Variants in MCF2L2 observed in about 807,000 individuals in gnomAD.
The protein encoded by MCF2L2 is probable guanine nucleotide exchange factor MCF2L2.
MCF2L2 carries 102 observed loss-of-function variants against 150.2 expected under a neutral mutation model. The ratio of observed to expected loss-of-function variants is 0.68; its 90% confidence interval spans 0.58 to 0.80. MCF2L2 has a LOEUF of 0.80. Ranked by LOEUF, MCF2L2 falls within the 30% of genes least tolerant of loss-of-function variation. The pLI is 0.00. For synonymous variants in MCF2L2, 465 were observed against 491.3 expected (o/e 0.95, Z 0.71); for missense variants, 1,256 against 1,372.8 (o/e 0.91, Z 1.34).
chr3:183,354,073 C>G (rs765360882), intron 3 of MCF2L2, among the ~76,000 whole-genome samples: 1 of 152,064 alleles, frequency 6.6e-6, no homozygotes, highest in Non-Finnish European at 1.5e-5. Flanking sequence ...GTCAGACTTG[C>G]CTCATTATAC....
chr3:183,249,207 T>C (rs1453378193), intron 15 of MCF2L2, among the ~76,000 whole-genome samples: 2 of 152,248 alleles, frequency 1.3e-5, no homozygotes, highest in African/African-American at 4.8e-5. Context: ...GGCAGCCCTC[T>C]GGGACCTGCA....
intron 1 of MCF2L2, among the ~76,000 whole-genome samples, chr3:183,390,322 C>T (rs1714071758): frequency 6.6e-6 from 1 of 152,100 alleles, no homozygotes; most frequent in Admixed American, 6.5e-5. Flanking sequence ...CCTCTTCCTA[C>T]TGCTAAATGT....
chr3:183,251,280 G>C (rs1034105299), intron 15 of MCF2L2, among the ~76,000 whole-genome samples: 1 of 152,188 alleles, frequency 6.6e-6, no homozygotes, highest in Non-Finnish European at 1.5e-5. Context: ...GCTGTGTTAA[G>C]CCACTCGGTT....
chr3:183,343,571 T>C (rs1010631466), intron 3 of MCF2L2, among the ~76,000 whole-genome samples: 2 of 152,192 alleles, frequency 1.3e-5, no homozygotes. Context: ...GGTTTCACCA[T>C]GTTGGTTAGG....
intron 1 of MCF2L2, among the ~76,000 whole-genome samples, chr3:183,417,115 CAAAAAAAAAAAAAA>C (rs74989072): frequency 4.3e-4 from 19 of 44,240 alleles, no homozygotes; most frequent in African/African-American, 1.4e-3. Flanking sequence ...GACTCTGTCT[CAAAAAAAAAAAAAA>C]AAAAAAAAAA....
At chr3:183,258,187 T>G (rs9784276) in intron 15 of MCF2L2, 1 of 152,254 alleles carries the variant, frequency 6.6e-6, no homozygotes, top group African/African-American at 2.4e-5. Context: ...AGGATGGTCT[T>G]GATCTCCCGA....
At chr3:183,220,461 C>T (rs764810554) in intron 20 of MCF2L2, among the ~76,000 whole-genome samples, 4 of 152,058 alleles carry the variant, frequency 2.6e-5, no homozygotes, top group Non-Finnish European at 4.4e-5. Context: ...AAACCATAAT[C>T]GAATTATAGT....
chr3:183,417,142 AAAAT>A (rs1391704148), intron 1 of MCF2L2, among the ~76,000 whole-genome samples: 35 of 145,872 alleles, frequency 2.4e-4, no homozygotes, highest in African/African-American at 8.4e-4. Flanking sequence ...AAAAAAAAAA[AAAAT>A]GGTAATTTAG....
At chr3:183,386,676 T>C (rs996400128) in intron 2 of MCF2L2, among the ~76,000 whole-genome samples, 4 of 152,188 alleles carry the variant, frequency 2.6e-5, no homozygotes, top group Admixed American at 6.5e-5. Context: ...AGGAAGCTGC[T>C]ATGAGTTGAG....
chr3:183,392,949 A>G (rs1206110985), intron 1 of MCF2L2, among the ~76,000 whole-genome samples: 2 of 152,214 alleles, frequency 1.3e-5, no homozygotes, highest in Non-Finnish European at 1.5e-5. Flanking sequence ...AGATTCAGAC[A>G]GGCTTGCATG....
intron 9 of MCF2L2, chr3:183,310,571 G>A: frequency 3.3e-6 from 1 of 301,894 alleles, no homozygotes; most frequent in South Asian, 2.7e-5. Context: ...GCTGAGGTGG[G>A]AGGATAGCTT....
intron 3 of MCF2L2, among the ~76,000 whole-genome samples, chr3:183,364,768 C>CA (rs940162612): frequency 6.6e-6 from 1 of 151,922 alleles, no homozygotes; most frequent in African/African-American, 2.4e-5. Flanking sequence ...CATCCCTATG[C>CA]AAAAAAATTT....
In MCF2L2 at chr3:183,182,101, CTCAACTGTTTCAGGGTCATCTGAAACAG is replaced by C. The variant is rs1310559942; in HGVS notation, c.3017-1970_3017-1943del. 7.2e-5 allele frequency among the ~76,000 whole-genome samples: 11 copies of C among 152,286 alleles called. No homozygotes were observed. The East Asian group carries it at 7.7e-4, about 11-fold the overall frequency. On this transcript the variant is annotated intron_variant, in intron 27 of 29. Transcript: ENST00000328913. ...CACAGAGGGGCTCTCAGACCCTGGA[CTCAACTGTTTCAGGGTCATCTGAAACAG>C]TCAACTGTTTCCTCTAGCCCATTCC...
rs1203115543 is a variant in MCF2L2, at chr3:183,197,600, GT to G, written c.2885-2346del. On this transcript the variant is annotated intron_variant, in intron 25 of 29. Coordinates refer to ENST00000328913, the MANE Select transcript of MCF2L2 (RefSeq NM_015078.4). This position sits in a 1 kb window ranked among gnomAD's most constrained non-coding sequence, Gnocchi z 4.5. ...GGATACCGAAAACATGATACATACA[GT>G]TTTTAAAATTAAATATTATAAGAAT... is the stretch of plus-strand genomic sequence containing the variant. Among the ~76,000 whole-genome samples the G allele has an allele frequency of 6.6e-6, 1 of 152,108 alleles. No individual in the cohort carries two copies. Among genetic ancestry groups the G allele is most frequent in the African/African-American group, 2.4e-5 (1 of 41,440 alleles).
intron 3 of MCF2L2, among the ~76,000 whole-genome samples, chr3:183,358,322 GAAAA>G (rs1711911924): frequency 1.3e-5 from 2 of 151,946 alleles, no homozygotes; most frequent in Admixed American, 1.3e-4. Context: ...AGAAAAAAAA[GAAAA>G]GAAAAAGAAG....
At chr3:183,341,196 C>A (rs577948335) in intron 4 of MCF2L2, among the ~76,000 whole-genome samples, 1 of 152,316 alleles carries the variant, frequency 6.6e-6, no homozygotes, top group East Asian at 1.9e-4. Context: ...TGCCCCACTG[C>A]GGATCTGGAA....
chr3:183,289,699 T>C (rs951161014), intron 13 of MCF2L2, among the ~76,000 whole-genome samples: 3 of 152,032 alleles, frequency 2.0e-5, no homozygotes, highest in Non-Finnish European at 4.4e-5. Flanking sequence ...CTATTAAAAA[T>C]ACAAAAATTA....
chr3:183,229,339 C>T (rs1181014305), intron 17 of MCF2L2, among the ~76,000 whole-genome samples: 1 of 152,178 alleles, frequency 6.6e-6, no homozygotes, highest in Non-Finnish European at 1.5e-5. Context: ...TTTGTATTCC[C>T]AATGCTGAGC....
chr3:183,369,044 A>G (rs1403338097), intron 3 of MCF2L2, among the ~76,000 whole-genome samples: 1 of 152,212 alleles, frequency 6.6e-6, no homozygotes, highest in Non-Finnish European at 1.5e-5. Context: ...TTCTTGACAC[A>G]ATAGAATAGT....
Sources: allele counts gnomAD v4.1 joint callset (sites outside exome capture counted in the v4.1 genomes callset), GRCh38; gene constraint gnomAD v4.1.1; non-coding constraint Gnocchi (gnomAD v3.1); transcripts MANE v1.5; gene names NCBI Gene and HGNC (gene_info 2026-07-23, HGNC 2026-07-21).